SLCO5A1: variants seen among roughly 807,000 people sequenced by gnomAD.
SLCO5A1 encodes the protein organic anion transporter polypeptide-related protein 4.
A neutral mutation model predicts 65.1 loss-of-function variants in SLCO5A1; 39 were observed. The ratio of observed to expected loss-of-function variants is 0.60; its 90% CI spans 0.46 to 0.78. SLCO5A1 has a LOEUF of 0.78. Among genes scored for constraint, SLCO5A1 ranks in the 30% least tolerant of loss-of-function variants. SLCO5A1 has a pLI of 0.00. For synonymous variants in SLCO5A1, 438 were observed against 415.7 expected (o/e 1.05, Z -0.65); for missense variants, 1,029 against 1,069.4 (o/e 0.96, Z 0.53).
chr8:69,725,317 C>G (rs112457552), intron 5 of SLCO5A1, among the ~76,000 whole-genome samples: 3 of 152,070 alleles, frequency 2.0e-5, no homozygotes, highest in African/African-American at 7.2e-5. Context: ...TGCTAACATG[C>G]CCAGTAAGAA....
chr8:69,744,202 A>G (rs1816925291), intron 4 of SLCO5A1, among the ~76,000 whole-genome samples: 1 of 152,168 alleles, frequency 6.6e-6, no homozygotes. Context: ...TGAAAAATGT[A>G]TGCCAACAAA....
intron 2 of SLCO5A1, among the ~76,000 whole-genome samples, chr8:69,797,308 A>G (rs1440300378): frequency 6.6e-6 from 1 of 152,180 alleles, no homozygotes; most frequent in Non-Finnish European, 1.5e-5. Context: ...TCATCTTCGT[A>G]AGCTGAGGAG....
At chr8:69,680,780 T>A (rs1021434133) in intron 7 of SLCO5A1, among the ~76,000 whole-genome samples, 2 of 152,200 alleles carry the variant, frequency 1.3e-5, no homozygotes, top group African/African-American at 4.8e-5. Flanking sequence ...TCCCTTTAGT[T>A]AGCTGGTGCC....
intron 2 of SLCO5A1, among the ~76,000 whole-genome samples, chr8:69,783,983 C>T (rs1818908759): frequency 6.6e-6 from 1 of 152,066 alleles, no homozygotes; most frequent in Non-Finnish European, 1.5e-5. Context: ...ATGGAGGAGG[C>T]TATGCATGTG....
chr8:69,796,569 A>G (rs1819509386), intron 2 of SLCO5A1, among the ~76,000 whole-genome samples: 1 of 152,048 alleles, frequency 6.6e-6, no homozygotes, highest in Non-Finnish European at 1.5e-5. Context: ...GTGAGCCATG[A>G]TCATGCCACT....
At chr8:69,716,015 C>T (rs1815512354) in intron 5 of SLCO5A1, among the ~76,000 whole-genome samples, 1 of 152,092 alleles carries the variant, frequency 6.6e-6, no homozygotes, top group Non-Finnish European at 1.5e-5. Flanking sequence ...CCGAGACAAT[C>T]ACCACCTAAT....
At chr8:69,781,971 A>T (rs1388155398) in intron 2 of SLCO5A1, among the ~76,000 whole-genome samples, 3 of 152,166 alleles carry the variant, frequency 2.0e-5, no homozygotes, top group African/African-American at 7.2e-5. Context: ...ATCCTAACTT[A>T]AAGAATTTTT....
intron 6 of SLCO5A1, among the ~76,000 whole-genome samples, chr8:69,690,330 A>T (rs1210682026): frequency 6.6e-6 from 1 of 152,232 alleles, no homozygotes; most frequent in Admixed American, 6.5e-5. Context: ...TCAATTTGAC[A>T]TTCAGAGCAC....
At chr8:69,834,589 G>T (rs563560702) in intron 1 of SLCO5A1, among the ~76,000 whole-genome samples, 124 of 152,138 alleles carry the variant, frequency 8.2e-4, no homozygotes, top group Non-Finnish European at 1.5e-3. Flanking sequence ...CGCCGCTCGC[G>T]GGGGGCGTCC....
intron 2 of SLCO5A1, among the ~76,000 whole-genome samples, chr8:69,790,410 G>A (rs537814133): frequency 3.8e-4 from 58 of 151,968 alleles, no homozygotes; most frequent in African/African-American, 1.3e-3. Context: ...CTTAAAAAGT[G>A]GGAGAAACAT....
chr8:69,814,800 T>C (rs1820337425), intron 2 of SLCO5A1, among the ~76,000 whole-genome samples: 1 of 151,802 alleles, frequency 6.6e-6, no homozygotes, highest in Non-Finnish European at 1.5e-5. Flanking sequence ...TGAATGGATA[T>C]AGAAAACTAT....
At chr8:69,694,473 C>G (rs550742876) in intron 6 of SLCO5A1, among the ~76,000 whole-genome samples, 1 of 152,300 alleles carries the variant, frequency 6.6e-6, no homozygotes, top group Admixed American at 6.5e-5. Context: ...AAGCCACATG[C>G]AAGTCTTAAA....
intron 5 of SLCO5A1, among the ~76,000 whole-genome samples, chr8:69,710,643 C>T (rs1815196838): frequency 1.3e-5 from 2 of 152,152 alleles, no homozygotes; most frequent in Non-Finnish European, 2.9e-5. Context: ...TATGGAGCCG[C>T]GGATACTGTA....
rs146726697 is a variant in SLCO5A1, at chr8:69,754,926, A to T, written c.1258+498T>A. On this transcript the variant is annotated intron_variant, in intron 4 of 9. Coordinates refer to ENST00000260126, the MANE Select transcript of SLCO5A1 (RefSeq NM_030958.3). The stretch of plus-strand genomic sequence containing the variant: ...AGATCCCTTTCTAGTGGTAGGTATT[A>T]TACTTATGTAGGCATCAAACCACAC... 1.1e-3 allele frequency among the ~76,000 whole-genome samples: 160 copies of T among 152,280 alleles called. 2 individuals carry two copies. The highest frequency in any genetic ancestry group is 3.7e-3 in the African/African-American group (153 of 41,560).
chr8:69,741,633 TA>T (rs1316969089), intron 4 of SLCO5A1, among the ~76,000 whole-genome samples: 1 of 152,234 alleles, frequency 6.6e-6, no homozygotes, highest in Non-Finnish European at 1.5e-5. Context: ...ATCCCAGTGA[TA>T]AAAGCCTATT....
intron 3 of SLCO5A1, among the ~76,000 whole-genome samples, chr8:69,758,606 G>T (rs1817624710): frequency 6.6e-6 from 1 of 152,100 alleles, no homozygotes; most frequent in Non-Finnish European, 1.5e-5. Flanking sequence ...AACAGGAAGG[G>T]GAGAAATACA....
intron 4 of SLCO5A1, among the ~76,000 whole-genome samples, chr8:69,743,080 G>A (rs1050539090): frequency 7.2e-5 from 11 of 152,052 alleles, no homozygotes; most frequent in Admixed American, 2.0e-4. Flanking sequence ...GATTACAGGC[G>A]TGAGCCACTG....
At chr8:69,726,558 G>C (rs1166874124) in intron 5 of SLCO5A1, among the ~76,000 whole-genome samples, 1 of 148,984 alleles carries the variant, frequency 6.7e-6, no homozygotes, top group Non-Finnish European at 1.5e-5. Context: ...GGAGTGCAGT[G>C]GTGCGATCTC....
At position 69,710,587 on chromosome 8, in the gene SLCO5A1, G is replaced by A. The variant is rs563956874; in HGVS notation, c.1424-5358C>T. 3.3e-5 allele frequency among the ~76,000 whole-genome samples: 5 copies of A among 152,164 alleles called. No homozygotes were observed. In the East Asian group the frequency reaches 9.7e-4, roughly 29 times the overall value. ...TATCAATGTGATTAATTTACCTTTA[G>A]AATGAAAACGTTTTATTCATAAAAT... On this transcript the variant is annotated intron_variant, in intron 5 of 9. Coordinates refer to ENST00000260126, the MANE Select transcript of SLCO5A1 (RefSeq NM_030958.3).
Sources: allele counts gnomAD v4.1 joint callset (sites outside exome capture counted in the v4.1 genomes callset), GRCh38; gene constraint gnomAD v4.1.1; transcripts MANE v1.5; gene names NCBI Gene and HGNC (gene_info 2026-07-23, HGNC 2026-07-21).